SKI: variants seen among roughly 807,000 people sequenced by gnomAD.
SKI encodes the protein ski oncogene.
SKI carries 23 observed loss-of-function variants against 59.3 expected under a neutral mutation model. The ratio of observed to expected loss-of-function variants is 0.39; its 90% CI spans 0.28 to 0.55. The LOEUF is 0.55. Among genes scored for constraint, SKI ranks in the 20% least tolerant of loss-of-function variants. SKI has a pLI of 0.67. For synonymous variants in SKI, 673 were observed against 488.6 expected, an observed-to-expected ratio of 1.38 and a Z score of -4.98; for missense variants, 1,017 against 1,038.9, an observed-to-expected ratio of 0.98 and a Z score of 0.29.
intron 1 of SKI, among the ~76,000 whole-genome samples, chr1:2,273,354 C>G (rs2100858168): frequency 6.6e-6 from 1 of 152,298 alleles, no homozygotes; most frequent in South Asian, 2.1e-4. Context: ...TGTGGAAGGA[C>G]AGCAGCTGTG....
intron 1 of SKI, among the ~76,000 whole-genome samples, chr1:2,279,318 C>T (rs1160717016): frequency 6.6e-6 from 1 of 152,078 alleles, no homozygotes; most frequent in Non-Finnish European, 1.5e-5. Context: ...CAGAGACCAC[C>T]CTCTGATGAC....
At chr1:2,245,905 T>C (rs1034308553) in intron 1 of SKI, among the ~76,000 whole-genome samples, 1 of 147,292 alleles carries the variant, frequency 6.8e-6, no homozygotes, top group African/African-American at 2.5e-5. Context: ...CAAGTGATTC[T>C]CCTGCCTCAG....
intron 1 of SKI, among the ~76,000 whole-genome samples, chr1:2,243,915 C>T (rs1638932868): frequency 6.6e-6 from 1 of 152,158 alleles, no homozygotes; most frequent in Admixed American, 6.5e-5. Context: ...CCTTAGTGGA[C>T]TCTGAGATTC....
chr1:2,292,950 C>G (rs962354449), intron 1 of SKI, among the ~76,000 whole-genome samples: 3 of 152,226 alleles, frequency 2.0e-5, no homozygotes, highest in African/African-American at 7.2e-5. Context: ...ACCATTTGGG[C>G]CCGTGGACTT....
At chr1:2,291,384 A>G (rs920407511) in intron 1 of SKI, among the ~76,000 whole-genome samples, 8 of 152,184 alleles carry the variant, frequency 5.3e-5, no homozygotes, top group South Asian at 2.1e-4. Context: ...GGCTGAGTGC[A>G]GGGCTCAGGC....
rs3065260 is a variant in SKI, at chr1:2,260,535, CTTTT to C, written c.969+30820_969+30823del. Among the ~76,000 whole-genome samples, 131 of 67,816 alleles carry C rather than the reference CTTTT, an allele frequency of 1.9e-3. 1 individual carries two copies. Among genetic ancestry groups the C allele is most frequent in the South Asian group, 9.9e-3 (15 of 1,510 alleles). The allele number at this position is 67,816 out of a possible 152,430, so 44.5% of individuals were successfully genotyped here. A position where few individuals can be genotyped will look rare whatever the true frequency, so the allele number is the denominator to read the frequency against. ...TCCAATTTTTCAGTTTGTTCTTTTT[CTTTT>C]TTTTTTTTTTTTTTTTTTTGAGACA... On this transcript the variant is annotated intron_variant, in intron 1 of 6. Transcript: ENST00000378536.
At chr1:2,236,070 C>G (rs980163805) in intron 1 of SKI, among the ~76,000 whole-genome samples, 2 of 152,226 alleles carry the variant, frequency 1.3e-5, no homozygotes, top group African/African-American at 4.8e-5. Context: ...GGAAGGAGTG[C>G]TCTGCCTCGG....
chr1:2,250,445 T>G (rs978208520), intron 1 of SKI, among the ~76,000 whole-genome samples: 1 of 152,250 alleles, frequency 6.6e-6, no homozygotes, highest in Non-Finnish European at 1.5e-5. Flanking sequence ...GCCTGCTGCC[T>G]GTCCTTGGTT....
chr1:2,237,595 A>G (rs1181866059), intron 1 of SKI, among the ~76,000 whole-genome samples: 2 of 152,182 alleles, frequency 1.3e-5, no homozygotes, highest in African/African-American at 4.8e-5. Context: ...GAGGAGGCTG[A>G]CTGGGGGCAC....
In SKI at chr1:2,309,451, C is replaced by G. The variant is rs1640688380; in HGVS notation, c.*2686C>G. On this transcript the variant is annotated 3_prime_UTR_variant, in exon 7 of 7. Coordinates refer to ENST00000378536, the MANE Select transcript of SKI (RefSeq NM_003036.4). ...ACTAGCCAATGTAAAAACAGTTCAC[C>G]TGTAAATACTTTTTCCTTTTTCACC... is the stretch of plus-strand genomic sequence containing the variant. The G allele has an allele frequency of 6.6e-6, 1 of 152,148 alleles. No homozygotes were observed. Among genetic ancestry groups the G allele is most frequent in the Admixed American group, 6.5e-5 (1 of 15,278 alleles). The allele number at this position is 152,148 out of a possible 1,614,324, so 9.4% of individuals were successfully genotyped here. A position where few individuals can be genotyped will look rare whatever the true frequency, so the allele number is the denominator to read the frequency against.
Position 2,260,424 on chromosome 1 carries a change from G to A in SKI, c.969+30689G>A, listed in dbSNP as rs117283023. Among the ~76,000 whole-genome samples the A allele has an allele frequency of 2.0e-3, 297 of 151,980 alleles. 5 individuals are homozygous for A. In the East Asian group the frequency reaches 0.046, roughly 23 times the overall value. On this transcript the variant is annotated intron_variant, in intron 1 of 6. Coordinates refer to ENST00000378536, the MANE Select transcript of SKI (RefSeq NM_003036.4). ...GATGCAAGTCCCTTTTCACATTTGC[G>A]CCTTACGTAGACTTTGTCCCTGTCC...
At chr1:2,297,624 C>T (rs1255481162) in intron 1 of SKI, among the ~76,000 whole-genome samples, 1 of 152,232 alleles carries the variant, frequency 6.6e-6, no homozygotes, top group Non-Finnish European at 1.5e-5. Flanking sequence ...TGGTGGCAGC[C>T]ATCCCCTCCA....
chr1:2,237,221 G>A (rs1000570377), intron 1 of SKI, among the ~76,000 whole-genome samples: 4 of 152,194 alleles, frequency 2.6e-5, no homozygotes, highest in African/African-American at 4.8e-5. Flanking sequence ...TCAGGAGTGG[G>A]TGAGGGGTGG....
rs923989882 is a variant in SKI at position 2,235,264 on chromosome 1, G to A, written c.969+5529G>A. On this transcript the variant is annotated intron_variant, in intron 1 of 6. Transcript: ENST00000378536. ...TCACCATGTTGGCCAGCCTGGTCTC[G>A]AACTCCTGACCTCAAGTTATCTGCC... 8.5e-5 allele frequency among the ~76,000 whole-genome samples: 13 copies of A among 152,230 alleles called. No homozygotes were observed. In the South Asian group the frequency reaches 2.3e-3, roughly 27 times the overall value.
intron 1 of SKI, among the ~76,000 whole-genome samples, chr1:2,275,487 T>TG (rs1035235764): frequency 3.0e-4 from 46 of 151,946 alleles, no homozygotes; most frequent in African/African-American, 1.1e-3. Context: ...ATGAGGGGTG[T>TG]GGGGAGAGTT....
At chr1:2,249,188 G>C (rs75086328) in intron 1 of SKI, among the ~76,000 whole-genome samples, 11,778 of 152,308 alleles carry the variant, frequency 0.077, 952 homozygotes, top group East Asian at 0.44. Flanking sequence ...TGGGCGTGCA[G>C]GGTGTGTCTG....
chr1:2,270,087 A>C lies in SKI; in HGVS notation c.970-32891A>C, dbSNP rs1479351947. On this transcript the variant is annotated intron_variant, in intron 1 of 6. Coordinates refer to ENST00000378536, the MANE Select transcript of SKI (RefSeq NM_003036.4). The surrounding 1 kb of genome is among the most constrained non-coding windows in gnomAD (Gnocchi z 4.1). ...CGATGGATGAGCCTGCCTGTCCCCC[A>C]CGGATTGGAGTTTTGCCCAGGGGTG... Among the ~76,000 whole-genome samples, 2 of 151,984 alleles carry C rather than the reference A, an allele frequency of 1.3e-5. No individual in the cohort carries two copies. The highest frequency in any genetic ancestry group is 2.1e-4 in the South Asian group (1 of 4,818).
intron 1 of SKI, among the ~76,000 whole-genome samples, chr1:2,264,956 AC>A (rs1639469089): frequency 6.6e-6 from 1 of 151,816 alleles, no homozygotes; most frequent in African/African-American, 2.4e-5. Context: ...GATTACAGGC[AC>A]CCGCCACCAC....
At position 2,308,837 on chromosome 1, in the gene SKI, C is replaced by G. The variant is rs1033043626; in HGVS notation, c.*2072C>G. The G allele has an allele frequency of 6.6e-6, 1 of 152,252 alleles. No homozygotes were observed. The highest frequency in any genetic ancestry group is 2.4e-5 in the African/African-American group (1 of 41,442). 9.4% of individuals were successfully genotyped at this position (152,252 alleles called of 1,614,324 possible). A position where few individuals can be genotyped will look rare whatever the true frequency, so the allele number is the denominator to read the frequency against. ...AGCTGTGTCTGGGCCAGAGCCTCTC[C>G]TTGCCCTTGCTCCATCCCGACGGTC... On this transcript the variant is annotated 3_prime_UTR_variant, in exon 7 of 7. Coordinates refer to ENST00000378536, the MANE Select transcript of SKI (RefSeq NM_003036.4).
Sources: allele counts gnomAD v4.1 joint callset (sites outside exome capture counted in the v4.1 genomes callset), GRCh38; gene constraint gnomAD v4.1.1; non-coding constraint Gnocchi (gnomAD v3.1); transcripts MANE v1.5; gene names NCBI Gene and HGNC (gene_info 2026-07-23, HGNC 2026-07-21).